CCDC91: variants seen among roughly 807,000 people sequenced by gnomAD.
CCDC91 encodes coiled-coil domain containing 91, also known as coiled-coil domain-containing protein 91.
Under a neutral mutation model 63.2 loss-of-function variants are expected in CCDC91, and 48 were observed. The ratio of observed to expected loss-of-function variants is 0.76; its 90% CI spans 0.60 to 0.97. The LOEUF (loss-of-function observed/expected upper bound fraction) is 0.97. CCDC91 is among the 50% of genes least tolerant of loss of function. The pLI, the probability that CCDC91 is intolerant of heterozygous loss-of-function variation, is 0.00. For missense variants in CCDC91, 500 were observed against 494.6 expected, an observed-to-expected ratio of 1.01 and a Z score of -0.10; for synonymous variants, 167 against 165.8, an observed-to-expected ratio of 1.01 and a Z score of -0.06.
intron 8 of CCDC91, among the ~76,000 whole-genome samples, chr12:28,391,681 A>T (rs190348887): frequency 6.6e-6 from 1 of 152,300 alleles, no homozygotes; most frequent in East Asian, 1.9e-4. Flanking sequence ...AAGCAAAGAG[A>T]TATCTATGAA....
At chr12:28,469,994 T>G (rs773132352) in intron 11 of CCDC91, among the ~76,000 whole-genome samples, 2 of 152,032 alleles carry the variant, frequency 1.3e-5, no homozygotes, top group African/African-American at 4.8e-5. Flanking sequence ...AAGAAAACAT[T>G]AGGAAAGCTC....
At chr12:28,235,740 A>G (rs1445356522) in intron 1 of CCDC91, among the ~76,000 whole-genome samples, 1 of 152,086 alleles carries the variant, frequency 6.6e-6, no homozygotes, top group African/African-American at 2.4e-5. Context: ...TGTTGAGTGG[A>G]CTAGGTCTGA....
At chr12:28,375,713 G>A (rs77716260) in intron 7 of CCDC91, among the ~76,000 whole-genome samples, 2 of 151,798 alleles carry the variant, frequency 1.3e-5, no homozygotes, top group Non-Finnish European at 2.9e-5. Context: ...ATGCCACATC[G>A]AAGATTGTTT....
intron 11 of CCDC91, among the ~76,000 whole-genome samples, chr12:28,455,440 T>A (rs1410716270): frequency 6.6e-6 from 1 of 152,118 alleles, no homozygotes; most frequent in Non-Finnish European, 1.5e-5. Flanking sequence ...AAATACTGCC[T>A]CTTCATTCTG....
At chr12:28,363,079 T>C (rs1291309827) in intron 7 of CCDC91, among the ~76,000 whole-genome samples, 3 of 152,170 alleles carry the variant, frequency 2.0e-5, no homozygotes, top group African/African-American at 4.8e-5. Flanking sequence ...CCCTTTAAAC[T>C]TCATGTTAGA....
intron 8 of CCDC91, among the ~76,000 whole-genome samples, chr12:28,443,251 A>G (rs75359265): frequency 1.1e-4 from 17 of 151,734 alleles, no homozygotes; most frequent in Non-Finnish European, 2.1e-4. Flanking sequence ...AAAAAAAAAA[A>G]AGAGAGTTAA....
intron 3 of CCDC91, among the ~76,000 whole-genome samples, chr12:28,285,181 C>T (rs756756066): frequency 6.6e-6 from 1 of 152,030 alleles, no homozygotes; most frequent in Non-Finnish European, 1.5e-5. Context: ...TATGCTGTCT[C>T]GTTTGCAGAC....
intron 8 of CCDC91, among the ~76,000 whole-genome samples, chr12:28,432,975 G>A (rs1242482612): frequency 6.6e-6 from 1 of 152,034 alleles, no homozygotes; most frequent in Non-Finnish European, 1.5e-5. Flanking sequence ...GAAATGTGAT[G>A]TGAAACATCT....
intron 6 of CCDC91, among the ~76,000 whole-genome samples, chr12:28,360,214 C>A (rs1943786859): frequency 6.6e-6 from 1 of 151,776 alleles, no homozygotes; most frequent in African/African-American, 2.4e-5. Context: ...AAAGGGCTTA[C>A]CAGAAAAAAG....
At chr12:28,362,971 A>G (rs1944003027) in intron 7 of CCDC91, among the ~76,000 whole-genome samples, 1 of 152,098 alleles carries the variant, frequency 6.6e-6, no homozygotes, top group African/African-American at 2.4e-5. Context: ...ACAGTAAAAC[A>G]TTAATATTTA....
chr12:28,211,320 A>G (rs961035343), intron 1 of CCDC91, among the ~76,000 whole-genome samples: 1 of 151,952 alleles, frequency 6.6e-6, no homozygotes, highest in Non-Finnish European at 1.5e-5. Flanking sequence ...TCACCGCACC[A>G]TAACCCTGAG....
At chr12:28,295,744 C>G (rs1388966917) in intron 3 of CCDC91, among the ~76,000 whole-genome samples, 1 of 151,902 alleles carries the variant, frequency 6.6e-6, no homozygotes, top group African/African-American at 2.4e-5. Flanking sequence ...TAAAAAATTT[C>G]TTAAGGATCT....
At chr12:28,408,944 T>C (rs973463140) in intron 8 of CCDC91, among the ~76,000 whole-genome samples, 2 of 152,122 alleles carry the variant, frequency 1.3e-5, no homozygotes, top group African/African-American at 4.8e-5. Context: ...TGCCTGACTT[T>C]AATCTTATAT....
At chr12:28,282,940 C>T (rs998950060) in intron 3 of CCDC91, among the ~76,000 whole-genome samples, 1 of 151,982 alleles carries the variant, frequency 6.6e-6, no homozygotes, top group Admixed American at 6.6e-5. Flanking sequence ...CCAATTTTCC[C>T]AGTACTATTT....
At chr12:28,461,868 C>T (rs1423696419) in intron 11 of CCDC91, among the ~76,000 whole-genome samples, 5 of 151,948 alleles carry the variant, frequency 3.3e-5, no homozygotes, top group African/African-American at 7.2e-5. Context: ...GGATGGCCAC[C>T]GTTGTTGCTT....
At position 28,328,378 on chromosome 12, in the gene CCDC91, A is replaced by C. The variant is rs868180629; in HGVS notation, c.576+20629A>C. ...AAACTAGAAAACTATAAATTAAAAA[A>C]AATCAGAATTAGTGACTATACACAT... On this transcript the variant is annotated intron_variant, in intron 6 of 12. Transcript: ENST00000536442. 2.4e-4 allele frequency among the ~76,000 whole-genome samples: 37 copies of C among 152,306 alleles called. 1 individual carries two copies. Among genetic ancestry groups the C allele is most frequent in the African/African-American group, 8.7e-4 (36 of 41,578 alleles).
chr12:28,490,373 T>G (rs1240779473), intron 12 of CCDC91, among the ~76,000 whole-genome samples: 1 of 151,874 alleles, frequency 6.6e-6, no homozygotes, highest in African/African-American at 2.4e-5. Context: ...CTGTTTTCGG[T>G]TGTACCTCAT....
At chr12:28,219,073 A>G (rs541340287) in intron 1 of CCDC91, among the ~76,000 whole-genome samples, 8 of 152,322 alleles carry the variant, frequency 5.3e-5, no homozygotes, top group African/African-American at 7.2e-5. Context: ...ACTAGGTTAC[A>G]TGAGAATTCT....
intron 12 of CCDC91, among the ~76,000 whole-genome samples, chr12:28,546,970 G>A (rs73087998): frequency 0.022 from 3,349 of 152,116 alleles, 60 homozygotes; most frequent in African/African-American, 0.046. Context: ...GTCTGTCAAT[G>A]GGAAAGTAGC....
Sources: gnomAD v4.1 joint callset for allele counts (sites outside exome capture counted in the v4.1 genomes callset) on GRCh38, gnomAD v4.1.1 for gene constraint, MANE v1.5 for transcripts, NCBI Gene and HGNC (gene_info 2026-07-23, HGNC 2026-07-21) for gene names.